KATNAL1: variants seen among roughly 807,000 people sequenced by gnomAD.
The protein encoded by KATNAL1 is katanin catalytic subunit A1 like 1.
A neutral mutation model predicts 55.2 loss-of-function variants in KATNAL1; 32 were observed. The observed-to-expected ratio is 0.58, with a 90% CI of 0.44 to 0.78. KATNAL1 has a LOEUF of 0.78. KATNAL1 is among the 30% of genes least tolerant of loss of function. The pLI is 0.00. For synonymous variants in KATNAL1, 193 were observed against 193.6 expected (o/e 1.00, Z 0.02); for missense variants, 466 against 600.9 (o/e 0.78, Z 2.35).
intron 9 of KATNAL1, among the ~76,000 whole-genome samples, chr13:30,218,831 C>G (rs1415527807): frequency 1.3e-5 from 2 of 152,096 alleles, no homozygotes; most frequent in East Asian, 3.8e-4. Flanking sequence ...GGAGTCACCC[C>G]CAACCACGAC....
At chr13:30,271,878 GAA>G (rs71299873) in intron 3 of KATNAL1, among the ~76,000 whole-genome samples, 4,051 of 76,780 alleles carry the variant, frequency 0.053, 79 homozygotes, top group African/African-American at 0.1. Context: ...AAGAAAAGAG[GAA>G]AAAAAAAAAA....
At chr13:30,210,650 G>GAAAAAA (rs33951005) in intron 9 of KATNAL1, 7 of 120,268 alleles carry the variant, frequency 5.8e-5, no homozygotes, top group Admixed American at 8.8e-5. Flanking sequence ...ACTAAAAATT[G>GAAAAAA]AAAAAAAAAA....
At chr13:30,266,016 A>T (rs1456186299) in intron 3 of KATNAL1, among the ~76,000 whole-genome samples, 2 of 141,708 alleles carry the variant, frequency 1.4e-5, no homozygotes, top group Non-Finnish European at 3.2e-5. Context: ...CCATCTCAAA[A>T]AAAAAAAAAA....
chr13:30,221,352 G>T (rs1874837236), intron 9 of KATNAL1, among the ~76,000 whole-genome samples: 1 of 152,174 alleles, frequency 6.6e-6, no homozygotes, highest in South Asian at 2.1e-4. Context: ...ACTGAATACT[G>T]ATTTTTCTTA....
chr13:30,280,004 C>T lies in KATNAL1; in HGVS notation c.323+59G>A, dbSNP rs1393524900. ...TTTTTCATACTTTGTTCAAAACATG[C>T]TTCACTGTGAACATCAATTAACTAG... On this transcript the variant is annotated intron_variant, in intron 3 of 10. Coordinates refer to ENST00000380615, the MANE Select transcript of KATNAL1 (RefSeq NM_032116.5). The T allele has an allele frequency of 3.5e-6, 5 of 1,435,798 alleles. No homozygotes were observed. The South Asian group carries it at 6.8e-5, about 19-fold the overall frequency. 88.9% of individuals were successfully genotyped at this position (1,435,798 alleles called of 1,614,324 possible).
intron 1 of KATNAL1, among the ~76,000 whole-genome samples, chr13:30,284,476 C>T (rs1055012569): frequency 6.6e-6 from 1 of 152,090 alleles, no homozygotes; most frequent in African/African-American, 2.4e-5. Flanking sequence ...ATATTTTCTA[C>T]TGAAGTCAGT....
chr13:30,283,292 G>GAAT (rs1491096718), intron 2 of KATNAL1, among the ~76,000 whole-genome samples: 2 of 83,402 alleles, frequency 2.4e-5, no homozygotes, highest in East Asian at 4.1e-4. Context: ...AAAAAAAAAA[G>GAAT]GAATGAATGA....
intron 4 of KATNAL1, among the ~76,000 whole-genome samples, chr13:30,252,518 C>T (rs1205032394): frequency 6.6e-6 from 1 of 152,114 alleles, no homozygotes; most frequent in Non-Finnish European, 1.5e-5. Context: ...GTAATAAATG[C>T]ATTCTGGATC....
At chr13:30,292,023 G>GAA (rs1015765783) in intron 1 of KATNAL1, among the ~76,000 whole-genome samples, 25 of 151,834 alleles carry the variant, frequency 1.6e-4, no homozygotes, top group Non-Finnish European at 3.2e-4. Flanking sequence ...CAACAAGAGC[G>GAA]AAACTCCATC....
chr13:30,272,223 C>A (rs1299222692), intron 3 of KATNAL1, among the ~76,000 whole-genome samples: 1 of 152,012 alleles, frequency 6.6e-6, no homozygotes, highest in Non-Finnish European at 1.5e-5. Context: ...CATGGTGAAA[C>A]CCCGTCTCTA....
At chr13:30,223,919 T>A (rs1875177230) in intron 9 of KATNAL1, among the ~76,000 whole-genome samples, 2 of 152,372 alleles carry the variant, frequency 1.3e-5, no homozygotes, top group South Asian at 4.1e-4. Context: ...TTCTATTCAA[T>A]TGCATCTGGA....
chr13:30,250,502 T>G (rs1336918202), intron 4 of KATNAL1, among the ~76,000 whole-genome samples: 1 of 152,204 alleles, frequency 6.6e-6, no homozygotes, highest in Non-Finnish European at 1.5e-5. Context: ...AGTATACAAT[T>G]TGTGCACTTT....
At chr13:30,217,989 A>G (rs1874458944) in intron 9 of KATNAL1, among the ~76,000 whole-genome samples, 1 of 152,128 alleles carries the variant, frequency 6.6e-6, no homozygotes, top group Non-Finnish European at 1.5e-5. Context: ...TGATGTCCAC[A>G]TGCTGTAACG....
intron 1 of KATNAL1, 124 bp from the exon 2 acceptor site, chr13:30,283,915 GC>G: frequency 1.5e-6 from 1 of 646,472 alleles, no homozygotes; most frequent in Non-Finnish European, 2.4e-6. Flanking sequence ...TCACTTTATT[GC>G]CCAGATTGGA....
intron 1 of KATNAL1, among the ~76,000 whole-genome samples, chr13:30,300,272 T>C (rs1263138234): frequency 6.6e-6 from 1 of 152,248 alleles, no homozygotes; most frequent in East Asian, 1.9e-4. Context: ...GAAAATAATT[T>C]CTGCTTTAAA....
chr13:30,306,426 T>C (rs1219059384), intron 1 of KATNAL1, among the ~76,000 whole-genome samples: 1 of 146,806 alleles, frequency 6.8e-6, no homozygotes, highest in Non-Finnish European at 1.5e-5. Context: ...CTAATCAAAA[T>C]ATGTGTAGGC....
chr13:30,230,274 A>G (rs190027151), intron 8 of KATNAL1, among the ~76,000 whole-genome samples, 194 bp downstream of exon 8: 314 of 152,348 alleles, frequency 2.1e-3, no homozygotes, highest in African/African-American at 7.2e-3. Flanking sequence ...TTGTAACCTC[A>G]GAATCTGAAA....
At chr13:30,285,795 C>G (rs914524122) in intron 1 of KATNAL1, among the ~76,000 whole-genome samples, 11 of 152,102 alleles carry the variant, frequency 7.2e-5, no homozygotes, top group Admixed American at 5.9e-4. Context: ...TGGTTTTGAC[C>G]AAAATGATGA....
chr13:30,296,057 AT>A, intron 1 of KATNAL1: 5 of 200,940 alleles, frequency 2.5e-5, no homozygotes, highest in Non-Finnish European at 4.0e-5. Flanking sequence ...AAAAAAAAAA[AT>A]TTTAATTAGT....
Sources: allele counts gnomAD v4.1 joint callset (sites outside exome capture counted in the v4.1 genomes callset), GRCh38; gene constraint gnomAD v4.1.1; transcripts MANE v1.5; gene names NCBI Gene and HGNC (gene_info 2026-07-23, HGNC 2026-07-21).